The following EVC2 variants were observed in gnomAD, a reference collection of about 807,000 sequenced individuals.
EVC2 encodes EvC ciliary complex subunit 2.
EVC2 carries 148 observed loss-of-function variants against 149.3 expected under a neutral mutation model. The observed-to-expected ratio is 0.99, with a 90% CI of 0.87 to 1.14. EVC2 has a LOEUF of 1.14. EVC2 is among the 50% of genes most tolerant of loss of function. The probability of loss-of-function intolerance (pLI) is 0.00; values close to 1 mark genes in which losing one functional copy is unlikely to be tolerated. For synonymous variants in EVC2, 776 were observed against 649.9 expected (o/e 1.19, Z -2.95); for missense variants, 1,854 against 1,627.3 (o/e 1.14, Z -2.40).
chr4:5,619,828 G>C (rs942371126), intron 14 of EVC2, among the ~76,000 whole-genome samples: 1 of 152,214 alleles, frequency 6.6e-6, no homozygotes, highest in Non-Finnish European at 1.5e-5. Flanking sequence ...AATCTGCTCA[G>C]AAAGTCTGGA....
rs1284098439 is a variant in EVC2, at chr4:5,613,187, T to C, written c.2829+2235A>G. On this transcript the variant is annotated intron_variant, in intron 16 of 21. Transcript: ENST00000344408. This position sits in a 1 kb window ranked among gnomAD's most constrained non-coding sequence, Gnocchi z 4.6. ...TCAGCCTGGCCTTTGAGCAGGTTCCTCCACGGGGCTGCTCCCCCATCCACT... is the reference window on the plus strand; with the variant it reads ...TCAGCCTGGCCTTTGAGCAGGTTCCCCCACGGGGCTGCTCCCCCATCCACT... Among the ~76,000 whole-genome samples the C allele has an allele frequency of 1.3e-5, 2 of 152,092 alleles. No individual in the cohort carries two copies. Among genetic ancestry groups the C allele is most frequent in the Non-Finnish European group, 2.9e-5 (2 of 68,018 alleles).
intron 12 of EVC2, among the ~76,000 whole-genome samples, chr4:5,626,797 C>T (rs2108844647): frequency 6.6e-6 from 1 of 152,210 alleles, no homozygotes; most frequent in East Asian, 1.9e-4. Flanking sequence ...AGGAATTTGT[C>T]CCTTTTTTTT....
chr4:5,549,920 T>C (rs1721704930), intron 21 of EVC2, among the ~76,000 whole-genome samples: 1 of 152,202 alleles, frequency 6.6e-6, no homozygotes, highest in Non-Finnish European at 1.5e-5. Flanking sequence ...TTATGAAATC[T>C]GATGGTTTTA....
chr4:5,595,828 C>T (rs1206619602), intron 16 of EVC2, among the ~76,000 whole-genome samples: 1 of 152,154 alleles, frequency 6.6e-6, no homozygotes, highest in Non-Finnish European at 1.5e-5. Flanking sequence ...AAACCCATCT[C>T]ACATGCAGAG....
chr4:5,695,684 G>A (rs1030994785), intron 2 of EVC2, among the ~76,000 whole-genome samples: 2 of 152,196 alleles, frequency 1.3e-5, no homozygotes, highest in South Asian at 4.1e-4. Flanking sequence ...CTTCAAGTCA[G>A]CAATTTTAGT....
rs1715431560 is a variant in EVC2, at chr4:5,618,450, T to C, written c.2706+28A>G. 6.2e-7 allele frequency: 1 copy of C among 1,612,006 alleles called. No homozygotes were observed. On this transcript the variant is annotated intron_variant, in intron 15 of 21. Coordinates refer to ENST00000344408, the MANE Select transcript of EVC2 (RefSeq NM_147127.5). The surrounding 1 kb of genome is among the most constrained non-coding windows in gnomAD (Gnocchi z 4.4). ...CAGCTGGGAGACGGCCCTGCTTCTG[T>C]AATCGGCCACTGACAGGTCCATCCT... is the stretch of plus-strand genomic sequence containing the variant.
chr4:5,681,452 G>A, intron 6 of EVC2, 139 bp from the exon 7 acceptor site: 5 of 862,084 alleles, frequency 5.8e-6, no homozygotes, highest in Non-Finnish European at 9.5e-6. Context: ...GCTTGTGAAG[G>A]TCTCACCATC....
the EVC2 span, among the ~76,000 whole-genome samples, chr4:5,535,524 G>A: frequency 0.018 from 2,785 of 151,428 alleles, 80 homozygotes; most frequent in African/African-American, 0.064. This position sits in a 1 kb window ranked among gnomAD's most constrained non-coding sequence, Gnocchi z 4.7. Flanking sequence ...AACAACAGAC[G>A]GTTATTTCAC....
In EVC2 at chr4:5,598,655, A is replaced by G. The variant is rs1435236006; in HGVS notation, c.2830-13805T>C. On this transcript the variant is annotated intron_variant, in intron 16 of 21. Transcript: ENST00000344408. ...AGGCATTACCATTCAGGACATAGGC[A>G]TGGGCAAGGACTTCATGTCTAAAAC... 7.9e-5 allele frequency among the ~76,000 whole-genome samples: 12 copies of G among 152,276 alleles called. No individual in the cohort carries two copies. In the South Asian group the frequency reaches 2.5e-3, roughly 32 times the overall value.
At position 5,622,491 on chromosome 4, in the gene EVC2, A is replaced by G. The variant is rs1280820410; in HGVS notation, c.2501+46T>C. ...ACCACAGGGCAGGAATCTCCCTGGC[A>G]TCAACGGGATGGGGAGGGGTGATTA... On this transcript the variant is annotated intron_variant, in intron 14 of 21. Transcript: ENST00000344408. The surrounding 1 kb of genome is among the most constrained non-coding windows in gnomAD (Gnocchi z 5.8). 1 of 1,593,870 alleles carries G rather than the reference A, an allele frequency of 6.3e-7. No individual in the cohort carries two copies. The highest frequency in any genetic ancestry group is 1.7e-5 in the Admixed American group (1 of 58,096).
the EVC2 span, among the ~76,000 whole-genome samples, chr4:5,535,631 G>C: frequency 1.7e-4 from 26 of 150,788 alleles, no homozygotes; most frequent in South Asian, 6.4e-4. The surrounding 1 kb of genome is among the most constrained non-coding windows in gnomAD (Gnocchi z 4.7). Context: ...GAGAGAGAGA[G>C]AGAAAGAGAT....
In EVC2 at chr4:5,569,970, C is replaced by G. The variant is rs1245006239; in HGVS notation, c.3361-1330G>C. 6.6e-6 allele frequency among the ~76,000 whole-genome samples: 1 copy of G among 152,174 alleles called. No homozygotes were observed. Among genetic ancestry groups the G allele is most frequent in the Non-Finnish European group, 1.5e-5 (1 of 68,026 alleles). On this transcript the variant is annotated intron_variant, in intron 19 of 21. Transcript: ENST00000344408. The surrounding 1 kb of genome is among the most constrained non-coding windows in gnomAD (Gnocchi z 4.8). ...CACTGAGCCCTTACCCATGAGCTTC[C>G]TTCAGCCTAGAGTACATTTCTCCTA...
chr4:5,673,939 G>A (rs1278508739), intron 7 of EVC2, among the ~76,000 whole-genome samples: 1 of 152,160 alleles, frequency 6.6e-6, no homozygotes, highest in African/African-American at 2.4e-5. Context: ...GGTAAGAAGA[G>A]GACATTTCTT....
chr4:5,654,117 G>A (rs1186814602), intron 9 of EVC2, among the ~76,000 whole-genome samples: 1 of 152,228 alleles, frequency 6.6e-6, no homozygotes, highest in Non-Finnish European at 1.5e-5. Flanking sequence ...AGGAGGCTGA[G>A]GCAGGAGAAT....
intron 15 of EVC2, among the ~76,000 whole-genome samples, chr4:5,616,609 T>A (rs921746033): frequency 6.6e-6 from 1 of 152,206 alleles, no homozygotes; most frequent in African/African-American, 2.4e-5. Flanking sequence ...ATTTTACAGA[T>A]GAAAACATGA....
rs186460595 is a variant in EVC2 at position 5,625,968 on chromosome 4, G to A, written c.1887-60C>T. The A allele has an allele frequency of 1.1e-5, 17 of 1,593,558 alleles. No homozygotes were observed. The Admixed American group carries it at 1.2e-4, about 11-fold the overall frequency. ...CTCCAAACTCACCTGTAGCTTAACTGCTATTGTGCCTGAACATTCATCTCC... is the reference window on the plus strand; with the variant it reads ...CTCCAAACTCACCTGTAGCTTAACTACTATTGTGCCTGAACATTCATCTCC... On this transcript the variant is annotated intron_variant, in intron 12 of 21. Transcript: ENST00000344408. The surrounding 1 kb of genome is among the most constrained non-coding windows in gnomAD (Gnocchi z 4.0).
intron 16 of EVC2, among the ~76,000 whole-genome samples, chr4:5,597,217 T>C (rs1424055028): frequency 2.6e-5 from 4 of 152,178 alleles, no homozygotes; most frequent in African/African-American, 4.8e-5. Flanking sequence ...ACTCATTTTA[T>C]GAGGCCAGCA....
rs781606596 is a variant in EVC2 at position 5,622,991 on chromosome 4, G to C, written c.2047C>G (p.His683Asp). ...TKRRRELLQK[H>D]REQRREQASV... The stretch of plus-strand genomic sequence containing the variant: ...GCCTGCTCCCTACGCTGCTCCCTGT[G>C]CTGGAGTTTCAGAAAAGAAAATTAA... Residue 683 changes from histidine to aspartate, a missense_variant and splice_region_variant, in exon 14 of 22, where the codon CAC (histidine) becomes GAC (aspartate). His to Asp is a moderately conservative substitution (Grantham distance 81, BLOSUM62 -1). Coordinates refer to ENST00000344408, the MANE Select transcript of EVC2 (RefSeq NM_147127.5). This position sits in a 1 kb window ranked among gnomAD's most constrained non-coding sequence, Gnocchi z 5.8. The C allele has an allele frequency of 6.2e-7, 1 of 1,613,742 alleles. No individual in the cohort carries two copies. Among genetic ancestry groups the C allele is most frequent in the South Asian group, 1.1e-5 (1 of 91,078 alleles).
In EVC2 at chr4:5,631,814, C is replaced by T. The variant is rs2108851319; in HGVS notation, c.1689G>A (p.Leu563=). The stretch of plus-strand genomic sequence containing the variant: ...TTACCTGTATTTTAGAATAATTTTG[C>T]AGCAGCATTTTAGCTGCCTCTGGTT... ...ELKPEAAKML[L]QNYSKIQENV... The change falls in exon 11 of 22, where the codon CTG becomes CTA. Residue 563 remains leucine, a synonymous_variant. Coordinates refer to ENST00000344408, the MANE Select transcript of EVC2 (RefSeq NM_147127.5). The T allele has an allele frequency of 6.2e-7, 1 of 1,614,008 alleles. No homozygotes were observed. Among genetic ancestry groups the T allele is most frequent in the Non-Finnish European group, 8.5e-7 (1 of 1,179,886 alleles).
Sources: allele counts gnomAD v4.1 joint callset (sites outside exome capture counted in the v4.1 genomes callset), GRCh38; gene constraint gnomAD v4.1.1; non-coding constraint Gnocchi (gnomAD v3.1); transcripts MANE v1.5; gene names NCBI Gene and HGNC (gene_info 2026-07-23, HGNC 2026-07-21).